Variants in SPMIP2 observed in about 807,000 individuals in gnomAD.
SPMIP2 encodes the protein sperm microtubule inner protein 2.
At chr4:159,026,348 C>T in the SPMIP2 span, 1 of 673,766 alleles carries the variant, frequency 1.5e-6, no homozygotes, top group Non-Finnish European at 2.8e-6. Context: ...GAAGAAACTA[C>T]AGCTCATAGC....
chr4:159,059,842 T>C, the SPMIP2 span, among the ~76,000 whole-genome samples: 1 of 152,152 alleles, frequency 6.6e-6, no homozygotes, highest in Non-Finnish European at 1.5e-5. Flanking sequence ...TCCTTCCCCA[T>C]GAGAGGGATG....
chr4:158,909,518 C>T, the SPMIP2 span: 9 of 151,204 alleles, frequency 6.0e-5, no homozygotes, highest in East Asian at 1.9e-4. Flanking sequence ...TTCTGTCAGA[C>T]GCTTTCTGTA....
the SPMIP2 span, among the ~76,000 whole-genome samples, chr4:159,057,142 G>A: frequency 2.6e-5 from 4 of 152,234 alleles, no homozygotes; most frequent in South Asian, 8.3e-4. Flanking sequence ...TTTTCAGCAA[G>A]GGAGATACAC....
the SPMIP2 span, among the ~76,000 whole-genome samples, chr4:159,059,479 C>T: frequency 6.6e-6 from 1 of 152,212 alleles, no homozygotes; most frequent in Non-Finnish European, 1.5e-5. Flanking sequence ...CTCAAGCTGT[C>T]CTATGGCCTC....
the SPMIP2 span, among the ~76,000 whole-genome samples, chr4:158,992,169 T>C: frequency 6.6e-6 from 1 of 152,234 alleles, no homozygotes; most frequent in Admixed American, 6.5e-5. Flanking sequence ...ATTACAGACA[T>C]GAGCCACTGT....
At chr4:159,013,064 A>C in the SPMIP2 span, among the ~76,000 whole-genome samples, 1 of 152,258 alleles carries the variant, frequency 6.6e-6, no homozygotes, top group African/African-American at 2.4e-5. Flanking sequence ...GGTTCTTCAC[A>C]GTAACCAAAG....
At chr4:159,026,218 A>G in the SPMIP2 span, 1 of 484,384 alleles carries the variant, frequency 2.1e-6, no homozygotes, top group South Asian at 1.9e-5. Context: ...AGCTTTGTGA[A>G]AAATGGGCAC....
the SPMIP2 span, among the ~76,000 whole-genome samples, chr4:158,976,225 A>G: frequency 6.6e-6 from 1 of 152,222 alleles, no homozygotes; most frequent in African/African-American, 2.4e-5. Flanking sequence ...TAATCATGTC[A>G]TCTGCAAAGA....
chr4:158,994,531 A>C, the SPMIP2 span, among the ~76,000 whole-genome samples: 1 of 152,234 alleles, frequency 6.6e-6, no homozygotes, highest in Non-Finnish European at 1.5e-5. Flanking sequence ...ATATTGCCTC[A>C]TGAGGTCAAT....
At chr4:159,039,301 C>T in the SPMIP2 span, among the ~76,000 whole-genome samples, 3 of 152,140 alleles carry the variant, frequency 2.0e-5, no homozygotes, top group African/African-American at 7.2e-5. Context: ...AGACACCTGA[C>T]TGTGTGGAGA....
the SPMIP2 span, among the ~76,000 whole-genome samples, chr4:158,955,253 C>A: frequency 6.6e-6 from 1 of 152,144 alleles, no homozygotes; most frequent in African/African-American, 2.4e-5. Flanking sequence ...CATCTATCTG[C>A]CTTGAAAATT....
At chr4:158,948,941 C>A in the SPMIP2 span, among the ~76,000 whole-genome samples, 1 of 152,078 alleles carries the variant, frequency 6.6e-6, no homozygotes, top group Non-Finnish European at 1.5e-5. Flanking sequence ...TTATTATTCT[C>A]TTCTGATAAA....
At chr4:158,991,176 A>C in the SPMIP2 span, among the ~76,000 whole-genome samples, 1 of 152,166 alleles carries the variant, frequency 6.6e-6, no homozygotes, top group Non-Finnish European at 1.5e-5. Context: ...CTACTGGCCC[A>C]GGAAGAAGTT....
chr4:159,067,254 AG>A, the SPMIP2 span, among the ~76,000 whole-genome samples: 118 of 152,330 alleles, frequency 7.7e-4, no homozygotes, highest in African/African-American at 2.4e-3. Flanking sequence ...TAGGTTTGAA[AG>A]GAATAATTAA....
At chr4:159,051,592 T>C in the SPMIP2 span, among the ~76,000 whole-genome samples, 1 of 152,260 alleles carries the variant, frequency 6.6e-6, no homozygotes, top group Admixed American at 6.5e-5. Context: ...TGAACTCTTA[T>C]CTGTCATGAG....
At chr4:158,908,193 G>A in the SPMIP2 span, 1 of 152,092 alleles carries the variant, frequency 6.6e-6, no homozygotes, top group Non-Finnish European at 1.5e-5. Flanking sequence ...GACATTTTTG[G>A]TTAGCATAAT....
the SPMIP2 span, among the ~76,000 whole-genome samples, chr4:158,911,379 TAAA>T: frequency 7.6e-5 from 11 of 144,610 alleles, no homozygotes; most frequent in South Asian, 2.2e-3. Context: ...AATAAATAAA[TAAA>T]TAAAATAAAT....
chr4:158,905,710 A>G, the SPMIP2 span: 1 of 132,382 alleles, frequency 7.6e-6, no homozygotes, highest in East Asian at 2.1e-4. Flanking sequence ...AAAAAAAAAA[A>G]CAACCTAATT....
chr4:158,956,893 T>C, the SPMIP2 span, among the ~76,000 whole-genome samples: 1 of 152,204 alleles, frequency 6.6e-6, no homozygotes. Context: ...GATGGGCCTG[T>C]AAAAATGAAA....
Sources: gnomAD v4.1 joint callset for allele counts (sites outside exome capture counted in the v4.1 genomes callset) on GRCh38, gnomAD v4.1.1 for gene constraint, MANE v1.5 for transcripts, NCBI Gene and HGNC (gene_info 2026-07-23, HGNC 2026-07-21) for gene names.